LGR6: variants seen among roughly 807,000 people sequenced by gnomAD.
LGR6 encodes leucine-rich repeat-containing G protein-coupled receptor 6.
A neutral mutation model predicts 69.4 loss-of-function variants in LGR6; 45 were observed. The observed-to-expected ratio is 0.65, with a 90% CI of 0.51 to 0.83. The LOEUF (loss-of-function observed/expected upper bound fraction) is 0.83, where lower values mean the gene tolerates loss of function less well. Ranked by LOEUF, LGR6 falls within the 40% of genes least tolerant of loss-of-function variation. LGR6 has a pLI of 0.00. For missense variants in LGR6, 1,108 were observed against 1,246.7 expected, an observed-to-expected ratio of 0.89 and a Z score of 1.68; for synonymous variants, 538 against 555.0, an observed-to-expected ratio of 0.97 and a Z score of 0.43.
chr1:202,203,627 C>A, intron 1 of LGR6: 1 of 604,212 alleles, frequency 1.7e-6, no homozygotes, highest in Non-Finnish European at 3.0e-6. Flanking sequence ...CCCCTGGAGC[C>A]TTGGAGAGAG....
chr1:202,271,934 G>A (rs890436931), intron 4 of LGR6, among the ~76,000 whole-genome samples: 1 of 152,036 alleles, frequency 6.6e-6, no homozygotes, highest in Admixed American at 6.6e-5. Flanking sequence ...CCTCTAAGGG[G>A]GTGTTTGTCC....
chr1:202,309,964 A>G (rs1045819239), intron 15 of LGR6, among the ~76,000 whole-genome samples: 3 of 152,192 alleles, frequency 2.0e-5, no homozygotes, highest in Admixed American at 1.3e-4. Context: ...TCACTTGCCA[A>G]GATGAACAAA....
chr1:202,194,518 C>G, intron 1 of LGR6: 1 of 645,412 alleles, frequency 1.5e-6, no homozygotes, highest in South Asian at 1.4e-5. Flanking sequence ...GCTGGCTGCT[C>G]CATCTCCTGT....
At chr1:202,236,037 G>A (rs1167205317) in intron 4 of LGR6, 44 bp downstream of exon 4, 1 of 1,555,626 alleles carries the variant, frequency 6.4e-7, no homozygotes, top group East Asian at 2.2e-5. Context: ...AGCTTCCTGG[G>A]GCCTGAGTCA....
intron 12 of LGR6, 156 bp from the exon 13 acceptor site, chr1:202,306,712 C>G: frequency 1.4e-6 from 1 of 721,406 alleles, no homozygotes; most frequent in East Asian, 2.7e-5. Flanking sequence ...TCCCCTTGTG[C>G]TCCCTTTAAT....
intron 1 of LGR6, among the ~76,000 whole-genome samples, chr1:202,208,407 G>A (rs78004752): frequency 0.011 from 1,459 of 135,196 alleles, 22 homozygotes; most frequent in African/African-American, 0.036. Flanking sequence ...GAAGGAGGGG[G>A]GAGAGAGAGA....
intron 5 of LGR6, among the ~76,000 whole-genome samples, chr1:202,279,038 T>A (rs1218601656): frequency 1.3e-5 from 2 of 152,108 alleles, no homozygotes; most frequent in Non-Finnish European, 2.9e-5. Flanking sequence ...GGGAGGGAAT[T>A]GGAGGCCTGG....
intron 4 of LGR6, among the ~76,000 whole-genome samples, chr1:202,262,145 A>ACCAAAAGTT (rs1664287825): frequency 6.6e-6 from 1 of 151,916 alleles, no homozygotes; most frequent in Non-Finnish European, 1.5e-5. Flanking sequence ...TGTTTTAGAC[A>ACCAAAAGTT]TGAAGTCCTT....
intron 1 of LGR6, among the ~76,000 whole-genome samples, chr1:202,203,537 A>G (rs995964669): frequency 2.0e-5 from 3 of 151,730 alleles, no homozygotes; most frequent in African/African-American, 4.8e-5. Flanking sequence ...TGTGAGGAGC[A>G]AGCATTCATT....
intron 6 of LGR6, among the ~76,000 whole-genome samples, chr1:202,289,766 A>G (rs986796972): frequency 6.6e-6 from 1 of 152,240 alleles, no homozygotes; most frequent in Non-Finnish European, 1.5e-5. Flanking sequence ...CAGTATGAGA[A>G]AAGCAATTAA....
At chr1:202,202,816 C>G (rs1038643255) in intron 1 of LGR6, among the ~76,000 whole-genome samples, 2 of 152,226 alleles carry the variant, frequency 1.3e-5, no homozygotes, top group African/African-American at 4.8e-5. Context: ...CACAATTCCT[C>G]TCACCCTCTG....
chr1:202,319,379 G>T lies in LGR6; in HGVS notation c.*172G>T. On this transcript the variant is annotated 3_prime_UTR_variant, in exon 18 of 18. Transcript: ENST00000367278. ...TCTCTCCTGTGACCATCACCAACGG[G>T]TGCCTCTTGGCCTGGCTTTCCCTTG... is the stretch of plus-strand genomic sequence containing the variant. The T allele has an allele frequency of 1.5e-6, 1 of 656,742 alleles. No homozygotes were observed. The highest frequency in any genetic ancestry group is 2.4e-6 in the Non-Finnish European group (1 of 419,262). 40.7% of individuals were successfully genotyped at this position (656,742 alleles called of 1,614,324 possible).
chr1:202,205,267 AACAC>A (rs147927696), intron 1 of LGR6, among the ~76,000 whole-genome samples: 1 of 3,978 alleles, frequency 2.5e-4, no homozygotes, highest in Non-Finnish European at 5.7e-4. Flanking sequence ...CACACCTCCA[AACAC>A]ACACACACAC....
At chr1:202,224,685 A>G (rs1439996913) in intron 1 of LGR6, among the ~76,000 whole-genome samples, 2 of 152,202 alleles carry the variant, frequency 1.3e-5, no homozygotes, top group African/African-American at 4.8e-5. Context: ...TCACACTCCT[A>G]TGAGAATCTT....
chr1:202,194,035 C>T lies in LGR6; in HGVS notation c.46C>T (p.Leu16=). 7.2e-7 allele frequency: 1 copy of T among 1,388,564 alleles called. No homozygotes were observed. Among genetic ancestry groups the T allele is most frequent in the Non-Finnish European group, 9.3e-7 (1 of 1,078,752 alleles). The allele number at this position is 1,388,564 out of a possible 1,614,324, so 86.0% of individuals were successfully genotyped here. Residue 16 remains leucine, a synonymous_variant, in exon 1 of 18, where the codon CTG becomes TTG. Transcript: ENST00000367278. ...GLRALWLCAA[L]CASRRAGGAP... is the part of the protein sequence containing the mutation. ...CCGGGCGCTATGGCTTTGCGCCGCG[C>T]TGTGCGCTTCCCGGAGGGCCGGCGG...
chr1:202,220,541 A>G (rs1660080616), intron 1 of LGR6, among the ~76,000 whole-genome samples: 1 of 152,260 alleles, frequency 6.6e-6, no homozygotes, highest in African/African-American at 2.4e-5. Context: ...CTTGTGAGGT[A>G]GCTAGTGTCA....
chr1:202,205,497 C>T (rs568068615), intron 1 of LGR6, among the ~76,000 whole-genome samples: 38 of 14,446 alleles, frequency 2.6e-3, no homozygotes, highest in Admixed American at 0.014. Context: ...ACACACACAC[C>T]CTGCTTCAAA....
chr1:202,257,202 C>T (rs1663844690), intron 4 of LGR6, among the ~76,000 whole-genome samples: 1 of 151,768 alleles, frequency 6.6e-6, no homozygotes. Flanking sequence ...ACATAAGTCC[C>T]TTATCAGATA....
chr1:202,305,957 G>A (rs1406954527), intron 12 of LGR6, among the ~76,000 whole-genome samples: 2 of 152,150 alleles, frequency 1.3e-5, no homozygotes, highest in African/African-American at 2.4e-5. Flanking sequence ...GCAGAAGACC[G>A]ACCCAGGAGC....
Sources: allele counts gnomAD v4.1 joint callset (sites outside exome capture counted in the v4.1 genomes callset), GRCh38; gene constraint gnomAD v4.1.1; transcripts MANE v1.5; gene names NCBI Gene and HGNC (gene_info 2026-07-23, HGNC 2026-07-21).